The following SYTL2 variants were observed in gnomAD, a reference collection of about 807,000 sequenced individuals.
SYTL2 encodes the protein synaptotagmin like 2.
SYTL2 carries 165 observed loss-of-function variants against 198.7 expected under a neutral mutation model. The ratio of observed to expected loss-of-function variants is 0.83; its 90% CI spans 0.73 to 0.94. The LOEUF is 0.94. Among genes scored for constraint, SYTL2 ranks in the 40% least tolerant of loss-of-function variants. The pLI is 0.00. For synonymous variants in SYTL2, 966 were observed against 917.7 expected (o/e 1.05, Z -0.95); for missense variants, 2,835 against 2,582.8 (o/e 1.10, Z -2.12).
the SYTL2 span, among the ~76,000 whole-genome samples, chr11:85,833,523 G>A: frequency 6.6e-6 from 1 of 151,218 alleles, no homozygotes; most frequent in Non-Finnish European, 1.5e-5. Context: ...AAAGCCATTT[G>A]GACACTGGGG....
chr11:85,794,918 G>C (rs1010827103), intron 1 of SYTL2, among the ~76,000 whole-genome samples: 1 of 151,854 alleles, frequency 6.6e-6, no homozygotes, highest in Non-Finnish European at 1.5e-5. Context: ...TAAAGAGATG[G>C]TCTTTCAAAA....
intron 2 of SYTL2, among the ~76,000 whole-genome samples, chr11:85,752,959 A>AAAAAAAAG (rs2091631141): frequency 7.8e-6 from 1 of 128,612 alleles, no homozygotes; most frequent in African/African-American, 2.9e-5. Context: ...AAACACAACT[A>AAAAAAAAG]GGTCTAAGGA....
At chr11:85,833,171 G>GA in the SYTL2 span, among the ~76,000 whole-genome samples, 4 of 130,502 alleles carry the variant, frequency 3.1e-5, no homozygotes, top group South Asian at 4.5e-4. Flanking sequence ...AAGAAAGAAA[G>GA]AAAGAAAGAA....
upstream of SYTL2, chr11:85,811,280 C>G (rs1198103182): frequency 6.6e-6 from 1 of 152,056 alleles, no homozygotes; most frequent in South Asian, 2.1e-4. Flanking sequence ...CCTCCTCGCC[C>G]GGCACACAGC....
chr11:85,730,175 C>T (rs1379643269), intron 7 of SYTL2, among the ~76,000 whole-genome samples: 2 of 152,176 alleles, frequency 1.3e-5, no homozygotes, highest in African/African-American at 4.8e-5. Flanking sequence ...CAAAGAGGAG[C>T]TGGTACCATT....
the SYTL2 span, among the ~76,000 whole-genome samples, chr11:85,848,835 A>G: frequency 6.6e-6 from 1 of 152,248 alleles, no homozygotes; most frequent in Non-Finnish European, 1.5e-5. Flanking sequence ...CTTATATCTG[A>G]GAAAACAAAG....
chr11:85,811,796 C>G (rs1235872651), upstream of SYTL2, among the ~76,000 whole-genome samples: 1 of 152,096 alleles, frequency 6.6e-6, no homozygotes, highest in Non-Finnish European at 1.5e-5. Context: ...GCAGACAATG[C>G]AATACAGTAA....
chr11:85,704,938 C>T lies in SYTL2; in HGVS notation c.6109G>A (p.Glu2037Lys). Residue 2037 changes from glutamate to lysine, a missense_variant, in exon 16 of 20, where the codon GAG (glutamate) becomes AAG (lysine). Physicochemically the swap from Glu to Lys is moderately conservative, Grantham distance 56. Transcript: ENST00000359152. ...DTFKRNSFLGEVELDLETWDW... is the reference protein window; with the variant it reads ...DTFKRNSFLGKVELDLETWDW... ...CATGTTTCCAAATCAAGTTCCACCT[C>T]CCCTAGGAAACTATTGCGCTTAAAT... is the stretch of plus-strand genomic sequence containing the variant. 1 of 1,613,644 alleles carries T rather than the reference C, an allele frequency of 6.2e-7. No individual in the cohort carries two copies.
At chr11:85,847,674 G>A in the SYTL2 span, among the ~76,000 whole-genome samples, 1 of 152,284 alleles carries the variant, frequency 6.6e-6, no homozygotes, top group South Asian at 2.1e-4. Flanking sequence ...CAGTAGGTGT[G>A]TAGTAGTATC....
chr11:85,845,879 G>A, the SYTL2 span, among the ~76,000 whole-genome samples: 8 of 152,168 alleles, frequency 5.3e-5, no homozygotes, highest in Non-Finnish European at 7.4e-5. Flanking sequence ...TCGTGCCACT[G>A]CACTCAGCCT....
chr11:85,749,916 G>A (rs549444037), intron 2 of SYTL2, among the ~76,000 whole-genome samples: 4 of 152,222 alleles, frequency 2.6e-5, no homozygotes, highest in East Asian at 1.9e-4. Flanking sequence ...TGGAAAATAC[G>A]GGGTATTTAT....
intron 8 of SYTL2, among the ~76,000 whole-genome samples, chr11:85,721,817 T>C (rs1028676026): frequency 6.6e-6 from 1 of 152,194 alleles, no homozygotes; most frequent in Non-Finnish European, 1.5e-5. Flanking sequence ...ATTTGGATGT[T>C]CTCTGTTCAA....
intron 10 of SYTL2, 140 bp downstream of exon 10, chr11:85,718,650 T>G (rs1030683371): frequency 4.4e-6 from 3 of 688,902 alleles, no homozygotes; most frequent in Non-Finnish European, 7.4e-6. Flanking sequence ...CAGAACTGTT[T>G]TATAGTAACT....
At chr11:85,762,950 G>GAA (rs34176413) in intron 1 of SYTL2, among the ~76,000 whole-genome samples, 14 of 146,806 alleles carry the variant, frequency 9.5e-5, no homozygotes, top group South Asian at 6.5e-4. Context: ...AAGTGTTCAT[G>GAA]AAAAAAAAAA....
rs1202963636 is a variant in SYTL2 at position 85,734,578 on chromosome 11, C to T, written c.751G>A (p.Asp251Asn). The change falls in exon 7 of 20, where the codon GAT (aspartate) becomes AAT (asparagine). Residue 251 changes from aspartate to asparagine, a missense_variant. By Grantham distance (23) the Asp-to-Asn change is conservative. This residue lies in a region of SYTL2 where 2,645 missense variants were observed against 2,381.7 expected (regional missense o/e 1.11). Transcript: ENST00000359152. ...MIYKSTDLNKDDNQSFPRQRT... is the reference protein window; with the variant it reads ...MIYKSTDLNKNDNQSFPRQRT... ...TGTCTAGGAAAAGACTGGTTATCAT[C>T]TTTGTTTAAATCAGTTGATTTGTAG... The T allele has an allele frequency of 6.2e-7, 1 of 1,614,206 alleles. No individual in the cohort carries two copies. Among genetic ancestry groups the T allele is most frequent in the Non-Finnish European group, 8.5e-7 (1 of 1,180,036 alleles).
At chr11:85,773,565 A>C (rs1379160156) in intron 1 of SYTL2, among the ~76,000 whole-genome samples, 1 of 151,864 alleles carries the variant, frequency 6.6e-6, no homozygotes, top group Admixed American at 6.6e-5. Flanking sequence ...CTGTTTCCTT[A>C]TCCGTCTCCT....
intron 15 of SYTL2, 42 bp from the exon 16 acceptor site, chr11:85,705,070 TTGA>T (rs1177051570): frequency 1.3e-5 from 19 of 1,487,812 alleles, no homozygotes; most frequent in Non-Finnish European, 1.7e-5. Context: ...AAAACATTAC[TTGA>T]TGCCAAAGTT....
intron 10 of SYTL2, 89 bp from the exon 11 acceptor site, chr11:85,717,619 A>G (rs2087547760): frequency 9.4e-7 from 1 of 1,067,110 alleles, no homozygotes; most frequent in Non-Finnish European, 1.5e-6. Flanking sequence ...TCAGTTTCAC[A>G]ACTGAGACAG....
chr11:85,741,607 G>A (rs190115665), intron 4 of SYTL2, among the ~76,000 whole-genome samples: 1 of 152,196 alleles, frequency 6.6e-6, no homozygotes, highest in East Asian at 1.9e-4. Context: ...TATCAATCCT[G>A]GGAAAAAATA....
Sources: gnomAD v4.1 joint callset for allele counts (sites outside exome capture counted in the v4.1 genomes callset) on GRCh38, gnomAD v4.1.1 for gene constraint, gnomAD v4.1.1 regional missense constraint, MANE v1.5 for transcripts, NCBI Gene and HGNC (gene_info 2026-07-23, HGNC 2026-07-21) for gene names.